Variants in GRM7 observed in about 807,000 individuals in gnomAD.
GRM7 encodes glutamate metabotropic receptor 7, also known as metabotropic glutamate receptor 7.
GRM7 carries 35 observed loss-of-function variants against 84.5 expected under a neutral mutation model. The ratio of observed to expected loss-of-function variants is 0.41; its 90% CI spans 0.32 to 0.55. GRM7 has a LOEUF of 0.55. GRM7 is among the 20% of genes least tolerant of loss of function. The pLI, the probability that GRM7 is intolerant of heterozygous loss-of-function variation, is 0.19. For missense variants in GRM7, 1,003 were observed against 1,194.6 expected, an observed-to-expected ratio of 0.84 and a Z score of 2.36; for synonymous variants, 487 against 455.1, an observed-to-expected ratio of 1.07 and a Z score of -0.89.
chr3:7,064,461 T>TATATATACACACAC (rs1260975143), intron 1 of GRM7, among the ~76,000 whole-genome samples: 1 of 78,730 alleles, frequency 1.3e-5, no homozygotes, highest in African/African-American at 8.4e-5. Context: ...TGGATATATA[T>TATATATACACACAC]ACATATATAT....
intron 4 of GRM7, among the ~76,000 whole-genome samples, chr3:7,350,436 T>C (rs1232421501): frequency 6.6e-6 from 1 of 152,062 alleles, no homozygotes; most frequent in Non-Finnish European, 1.5e-5. Flanking sequence ...CCCACTTCTC[T>C]TCCTCCTGGT....
intron 4 of GRM7, among the ~76,000 whole-genome samples, chr3:7,387,919 G>A (rs1020490158): frequency 6.6e-5 from 10 of 152,108 alleles, no homozygotes; most frequent in Admixed American, 2.0e-4. Flanking sequence ...TACAACCTAT[G>A]AGCATGGAAT....
intron 9 of GRM7, among the ~76,000 whole-genome samples, chr3:7,692,112 A>G (rs1700826437): frequency 6.6e-6 from 1 of 152,094 alleles, no homozygotes; most frequent in East Asian, 1.9e-4. Context: ...TATTTTCAAG[A>G]TAGTTTACTG....
chr3:7,654,031 T>G (rs551830353), intron 8 of GRM7, among the ~76,000 whole-genome samples: 3 of 152,246 alleles, frequency 2.0e-5, no homozygotes, highest in South Asian at 2.1e-4. Context: ...GCCAGAAAAC[T>G]TATAATCATG....
At chr3:7,298,874 A>T in intron 3 of GRM7, 49 bp downstream of exon 3, 1 of 1,498,542 alleles carries the variant, frequency 6.7e-7, no homozygotes, top group Non-Finnish European at 9.3e-7. Flanking sequence ...CAATTTTAGG[A>T]GAGAGAAAGA....
intron 1 of GRM7, among the ~76,000 whole-genome samples, chr3:7,087,307 GT>G (rs1295120430): frequency 1.3e-5 from 2 of 151,828 alleles, no homozygotes; most frequent in Non-Finnish European, 2.9e-5. Flanking sequence ...AGTACTTAAA[GT>G]TTTTGGATGC....
At chr3:7,533,061 C>G (rs1701106390) in intron 7 of GRM7, among the ~76,000 whole-genome samples, 2 of 151,954 alleles carry the variant, frequency 1.3e-5, no homozygotes, top group Non-Finnish European at 2.9e-5. Context: ...AATTTAACAC[C>G]CCACTGTCAA....
intron 2 of GRM7, among the ~76,000 whole-genome samples, chr3:7,250,046 C>T (rs1697922439): frequency 6.6e-6 from 1 of 152,146 alleles, no homozygotes; most frequent in South Asian, 2.1e-4. Flanking sequence ...GGTCCCCGCC[C>T]CTCATGTGAG....
chr3:7,498,583 G>A (rs145225813), intron 7 of GRM7, among the ~76,000 whole-genome samples: 7 of 152,282 alleles, frequency 4.6e-5, no homozygotes, highest in African/African-American at 1.7e-4. Context: ...ATATTAGGTT[G>A]ATGGGACATG....
chr3:7,510,786 G>A (rs112640378), intron 7 of GRM7, among the ~76,000 whole-genome samples: 137 of 152,254 alleles, frequency 9.0e-4, no homozygotes, highest in African/African-American at 2.9e-3. Flanking sequence ...AAGATTATAT[G>A]AAATTCAAAT....
chr3:7,467,971 C>T (rs191554093), intron 7 of GRM7, among the ~76,000 whole-genome samples: 1 of 152,248 alleles, frequency 6.6e-6, no homozygotes, highest in East Asian at 1.9e-4. Context: ...TTGAATCTTT[C>T]ACACTTATTA....
intron 4 of GRM7, among the ~76,000 whole-genome samples, chr3:7,310,994 G>A (rs1371647343): frequency 1.3e-5 from 2 of 151,898 alleles, no homozygotes; most frequent in African/African-American, 4.8e-5. Context: ...ATCCCCTCAG[G>A]TGTGCTGTGT....
At chr3:7,320,191 G>A (rs1700725819) in intron 4 of GRM7, among the ~76,000 whole-genome samples, 1 of 151,708 alleles carries the variant, frequency 6.6e-6, no homozygotes, top group Non-Finnish European at 1.5e-5. Context: ...TGCATAGTAG[G>A]GGAGTAAAGA....
intron 1 of GRM7, among the ~76,000 whole-genome samples, chr3:7,019,993 C>A (rs1341139278): frequency 1.3e-5 from 2 of 152,172 alleles, no homozygotes; most frequent in Non-Finnish European, 2.9e-5. Context: ...CATCAAGCTA[C>A]AGGCACATGC....
chr3:7,080,697 T>TATAC (rs1553614529), intron 1 of GRM7, among the ~76,000 whole-genome samples: 3 of 151,560 alleles, frequency 2.0e-5, no homozygotes, highest in Non-Finnish European at 2.9e-5. Flanking sequence ...TATATATATA[T>TATAC]ACAAACTACG....
intron 1 of GRM7, among the ~76,000 whole-genome samples, chr3:6,870,866 A>G (rs1695098037): frequency 6.6e-6 from 1 of 152,156 alleles, no homozygotes; most frequent in Admixed American, 6.6e-5. Context: ...ATTGGGGTGG[A>G]ACAGGGTTAG....
chr3:7,094,838 A>G (rs180778958), intron 1 of GRM7, among the ~76,000 whole-genome samples: 1 of 152,336 alleles, frequency 6.6e-6, no homozygotes, highest in African/African-American at 2.4e-5. Context: ...ATAGCCTAGT[A>G]TAAAGTAAAT....
At chr3:7,039,128 CTT>C (rs1456705751) in intron 1 of GRM7, among the ~76,000 whole-genome samples, 1 of 152,130 alleles carries the variant, frequency 6.6e-6, no homozygotes, top group Non-Finnish European at 1.5e-5. Context: ...AAAGCAAAAA[CTT>C]TTAGTTTGAG....
chr3:7,213,706 G>A (rs1559505845), intron 2 of GRM7, among the ~76,000 whole-genome samples: 1 of 152,128 alleles, frequency 6.6e-6, no homozygotes, highest in African/African-American at 2.4e-5. Context: ...ATTCTGGGTT[G>A]GGTTCATCTC....
Sources: allele counts gnomAD v4.1 joint callset (sites outside exome capture counted in the v4.1 genomes callset), GRCh38; gene constraint gnomAD v4.1.1; transcripts MANE v1.5; gene names NCBI Gene and HGNC (gene_info 2026-07-23, HGNC 2026-07-21).